MECOM: variants seen among roughly 807,000 people sequenced by gnomAD.
MECOM encodes the protein histone-lysine N-methyltransferase MECOM.
A neutral mutation model predicts 116.3 loss-of-function variants in MECOM; 13 were observed. The ratio of observed to expected loss-of-function variants is 0.11; its 90% CI spans 0.07 to 0.18. The LOEUF is 0.18. Ranked by LOEUF, MECOM falls within the 10% of genes least tolerant of loss-of-function variation. MECOM has a pLI of 1.00. For missense variants in MECOM, 1,299 were observed against 1,509.0 expected (o/e 0.86, Z 2.31); for synonymous variants, 528 against 535.2 (o/e 0.99, Z 0.19).
intron 2 of MECOM, among the ~76,000 whole-genome samples, chr3:169,210,418 C>T (rs1375318624): frequency 3.9e-5 from 6 of 151,982 alleles, no homozygotes; most frequent in South Asian, 2.1e-4. Context: ...GAAAACACGG[C>T]GGCATTATTG....
chr3:169,089,188 A>C lies in MECOM; in HGVS notation c.3402-5T>G. ...TTATATTCTTCCTCTTTATACCTAA[A>C]ATGAACCAACGAAAAACACAGAAAT... On this transcript the variant is annotated splice_polypyrimidine_tract_variant and splice_region_variant and intron_variant, in intron 15 of 16. Transcript: ENST00000651503. The C allele has an allele frequency of 6.7e-7, 1 of 1,491,818 alleles. No homozygotes were observed. Among genetic ancestry groups the C allele is most frequent in the East Asian group, 2.5e-5 (1 of 40,486 alleles). 92.4% of individuals were successfully genotyped at this position (1,491,818 alleles called of 1,614,324 possible). A position where few individuals can be genotyped will look rare whatever the true frequency, so the allele number is the denominator to read the frequency against.
intron 5 of MECOM, among the ~76,000 whole-genome samples, chr3:169,124,120 G>A (rs1731996933): frequency 1.3e-5 from 2 of 152,012 alleles, no homozygotes; most frequent in South Asian, 4.1e-4. Context: ...ATGAATCTAG[G>A]CAATCCATTA....
Position 169,122,610 on chromosome 3 carries a change from T to C in MECOM, c.948A>G (p.Gly316=). 6.2e-7 allele frequency: 1 copy of C among 1,614,076 alleles called. No individual in the cohort carries two copies. Among genetic ancestry groups the C allele is most frequent in the Non-Finnish European group, 8.5e-7 (1 of 1,179,932 alleles). Residue 316 remains glycine, a synonymous_variant, in exon 6 of 17, where the codon GGA becomes GGG. Transcript: ENST00000651503. The part of the protein sequence containing the change: ...LIRHQMSHDS[G]KHYECENCAK... ...CACAGTTTTCACATTCATAGTGCTT[T>C]CCACTGTCATGTGACATCTGGTGGC...
chr3:169,389,133 T>C (rs1360177491), intron 1 of MECOM, among the ~76,000 whole-genome samples: 1 of 152,252 alleles, frequency 6.6e-6, no homozygotes, highest in East Asian at 1.9e-4. Context: ...GACATTTCAC[T>C]AAATAAATAT....
chr3:169,487,975 G>A (rs1421374436), intron 1 of MECOM, among the ~76,000 whole-genome samples: 1 of 151,952 alleles, frequency 6.6e-6, no homozygotes, highest in Non-Finnish European at 1.5e-5. Context: ...TACAGTGTTT[G>A]GAATTTATAG....
At chr3:169,515,843 C>A (rs1448536656) in intron 1 of MECOM, among the ~76,000 whole-genome samples, 1 of 152,190 alleles carries the variant, frequency 6.6e-6, no homozygotes, top group Non-Finnish European at 1.5e-5. Context: ...TAACATTCAA[C>A]ATGTATTAAC....
At chr3:169,551,207 G>A (rs897950379) in intron 1 of MECOM, among the ~76,000 whole-genome samples, 4 of 152,106 alleles carry the variant, frequency 2.6e-5, no homozygotes, top group Non-Finnish European at 4.4e-5. Context: ...TCTTGATCCT[G>A]TATATCCTGG....
chr3:169,280,090 T>C (rs1331665018), intron 2 of MECOM, among the ~76,000 whole-genome samples: 1 of 152,210 alleles, frequency 6.6e-6, no homozygotes, highest in African/African-American at 2.4e-5. Flanking sequence ...CCCAGACTGT[T>C]ACTCTTCTGA....
intron 1 of MECOM, among the ~76,000 whole-genome samples, chr3:169,411,126 A>G (rs1737491943): frequency 1.3e-5 from 2 of 152,164 alleles, no homozygotes; most frequent in African/African-American, 4.8e-5. Flanking sequence ...AAGGTCCTTT[A>G]CTTTCTTAGG....
chr3:169,453,664 C>T (rs78769382), intron 1 of MECOM, among the ~76,000 whole-genome samples: 1,860 of 152,220 alleles, frequency 0.012, 27 homozygotes, highest in East Asian at 0.07. Flanking sequence ...TCTATAATGC[C>T]GAGGAAGCAT....
chr3:169,157,322 G>A (rs1742145037), intron 2 of MECOM, among the ~76,000 whole-genome samples: 2 of 152,170 alleles, frequency 1.3e-5, no homozygotes, highest in Admixed American at 1.3e-4. Context: ...AACAATGAAT[G>A]TGTTAAGTCA....
intron 1 of MECOM, among the ~76,000 whole-genome samples, chr3:169,420,090 A>G (rs1055165626): frequency 6.6e-6 from 1 of 152,246 alleles, no homozygotes; most frequent in Non-Finnish European, 1.5e-5. Context: ...AATGGCGATC[A>G]TTAAAAAGCC....
chr3:169,566,389 T>A (rs1460716140), intron 1 of MECOM, among the ~76,000 whole-genome samples: 1 of 152,214 alleles, frequency 6.6e-6, no homozygotes, highest in Non-Finnish European at 1.5e-5. Context: ...CCACTCCTGC[T>A]GAGAGCTTAA....
intron 2 of MECOM, among the ~76,000 whole-genome samples, chr3:169,322,669 T>C (rs928714911): frequency 6.6e-6 from 1 of 151,856 alleles, no homozygotes; most frequent in African/African-American, 2.4e-5. Context: ...AATGAGTACC[T>C]ACTAAAGGTA....
intron 2 of MECOM, among the ~76,000 whole-genome samples, chr3:169,318,089 C>T (rs1043798063): frequency 2.6e-5 from 4 of 152,094 alleles, no homozygotes; most frequent in African/African-American, 7.2e-5. Flanking sequence ...ACAAACTGGA[C>T]TCCTTCCTTA....
intron 2 of MECOM, among the ~76,000 whole-genome samples, chr3:169,267,677 T>C (rs1272457691): frequency 6.6e-6 from 1 of 152,192 alleles, no homozygotes; most frequent in Admixed American, 6.5e-5. Context: ...CTCCCTTCTG[T>C]GTTCTCCATA....
At chr3:169,106,577 T>C (rs1412134526) in intron 10 of MECOM, among the ~76,000 whole-genome samples, 1 of 152,152 alleles carries the variant, frequency 6.6e-6, no homozygotes, top group Admixed American at 6.6e-5. Flanking sequence ...ATGGGAATGT[T>C]TCAAAGCATT....
At chr3:169,207,349 C>T (rs923767851) in intron 2 of MECOM, among the ~76,000 whole-genome samples, 1 of 152,114 alleles carries the variant, frequency 6.6e-6, no homozygotes, top group East Asian at 1.9e-4. Context: ...ACACAGTGGG[C>T]GGAAGTCACA....
rs1312523132 is a variant in MECOM, at chr3:169,376,583, C to G, written c.375+4604G>C. Among the ~76,000 whole-genome samples the G allele has an allele frequency of 4.6e-5, 7 of 152,144 alleles. 1 individual carries two copies. In the East Asian group the frequency reaches 1.4e-3, roughly 29 times the overall value. On this transcript the variant is annotated intron_variant, in intron 2 of 16. Coordinates refer to ENST00000651503, the MANE Select transcript of MECOM (RefSeq NM_004991.4). ...ATGAGTGGACTCCCATTTACAATTG[C>G]TACAAAGAGAATAAAATACCTAGAA...
Sources: gnomAD v4.1 joint callset for allele counts (sites outside exome capture counted in the v4.1 genomes callset) on GRCh38, gnomAD v4.1.1 for gene constraint, MANE v1.5 for transcripts, NCBI Gene and HGNC (gene_info 2026-07-23, HGNC 2026-07-21) for gene names.